SRGAP1: variants seen among roughly 807,000 people sequenced by gnomAD.
SRGAP1 encodes the protein SLIT-ROBO Rho GTPase activating protein 1.
A neutral mutation model predicts 121.9 loss-of-function variants in SRGAP1; 43 were observed. That is an observed-to-expected ratio of 0.35 (90% confidence interval 0.28 to 0.46). The LOEUF is 0.46. SRGAP1 is among the 20% of genes least tolerant of loss of function. SRGAP1 has a pLI of 1.00. For missense variants in SRGAP1, 1,102 were observed against 1,350.9 expected (o/e 0.82, Z 2.89); for synonymous variants, 447 against 485.4 (o/e 0.92, Z 1.04).
intron 6 of SRGAP1, among the ~76,000 whole-genome samples, chr12:64,058,427 C>T (rs2035384283): frequency 6.6e-6 from 1 of 152,146 alleles, no homozygotes; most frequent in African/African-American, 2.4e-5. Context: ...ATTTGCAACC[C>T]TTTTGCCTAA....
chr12:64,111,801 T>C lies in SRGAP1; in HGVS notation c.1959T>C (p.Tyr653=), dbSNP rs2036434002. ...QYSDENMMDP[Y]NLAICFGPTL... Reference sequence around the variant, plus strand: ...GCGATGAGAATATGATGGACCCTTATAACCTGGCCATTTGCTTTGGCCCAA... The same window carrying C: ...GCGATGAGAATATGATGGACCCTTACAACCTGGCCATTTGCTTTGGCCCAA... Residue 653 remains tyrosine (Y), a synonymous_variant, in exon 17 of 22, where the codon TAT becomes TAC. Coordinates refer to ENST00000355086, the MANE Select transcript of SRGAP1 (RefSeq NM_020762.4). 12 of 1,614,006 alleles carry C rather than the reference T, an allele frequency of 7.4e-6. No homozygotes were observed. The highest frequency in any genetic ancestry group is 1.7e-5 in the Admixed American group (1 of 59,990).
rs1238192148 is a variant in SRGAP1, at chr12:64,156,466, C to T, written c.*13794C>T. 6.6e-6 allele frequency: 1 copy of T among 152,150 alleles called. No homozygotes were observed. Among genetic ancestry groups the T allele is most frequent in the East Asian group, 1.9e-4 (1 of 5,192 alleles). 9.4% of individuals were successfully genotyped at this position (152,150 alleles called of 1,614,324 possible). ...ACTCTGAATCTCTGCATATGTTACTCATTTTCTATCATCCTATTCCTTGTG... is the reference window on the plus strand; with the variant it reads ...ACTCTGAATCTCTGCATATGTTACTTATTTTCTATCATCCTATTCCTTGTG... On this transcript the variant is annotated 3_prime_UTR_variant, in exon 22 of 22. Coordinates refer to ENST00000355086, the MANE Select transcript of SRGAP1 (RefSeq NM_020762.4).
intron 1 of SRGAP1, among the ~76,000 whole-genome samples, chr12:63,849,981 G>A (rs1014690639): frequency 6.6e-6 from 1 of 152,152 alleles, no homozygotes; most frequent in Non-Finnish European, 1.5e-5. Context: ...CAAGGAAACC[G>A]TCGTCTGTGA....
intron 21 of SRGAP1, among the ~76,000 whole-genome samples, chr12:64,139,763 A>G (rs1207766569): frequency 6.6e-6 from 1 of 151,772 alleles, no homozygotes; most frequent in Non-Finnish European, 1.5e-5. Context: ...CCATTTGTCA[A>G]TTTTGTCTTT....
chr12:64,020,971 A>T (rs2034535896), intron 4 of SRGAP1, among the ~76,000 whole-genome samples: 1 of 150,868 alleles, frequency 6.6e-6, no homozygotes, highest in Non-Finnish European at 1.5e-5. Flanking sequence ...AAGACCAAAG[A>T]TTGACAGTGC....
In SRGAP1 at chr12:64,144,993, G is replaced by A; in HGVS notation, c.*2321G>A. 1 of 151,798 alleles carries A rather than the reference G, an allele frequency of 6.6e-6. No homozygotes were observed. The highest frequency in any genetic ancestry group is 1.5e-5 in the Non-Finnish European group (1 of 68,028). 9.4% of individuals were successfully genotyped at this position (151,798 alleles called of 1,614,324 possible). A position where few individuals can be genotyped will look rare whatever the true frequency, so the allele number is the denominator to read the frequency against. On this transcript the variant is annotated 3_prime_UTR_variant, in exon 22 of 22. Coordinates refer to ENST00000355086, the MANE Select transcript of SRGAP1 (RefSeq NM_020762.4). Reference sequence around the variant, plus strand: ...ATTACAGGCGCCACCACCACGCCCAGCTAATTTTTGTATTTTTAGTAGAGA... The same window carrying A: ...ATTACAGGCGCCACCACCACGCCCAACTAATTTTTGTATTTTTAGTAGAGA...
chr12:64,035,973 G>A (rs962060472), intron 4 of SRGAP1, among the ~76,000 whole-genome samples: 2 of 152,240 alleles, frequency 1.3e-5, no homozygotes, highest in South Asian at 2.1e-4. Context: ...ATTTTACCTC[G>A]AAGGAACTGG....
intron 1 of SRGAP1, among the ~76,000 whole-genome samples, chr12:63,944,630 T>C (rs1236263497): frequency 6.6e-6 from 1 of 152,146 alleles, no homozygotes; most frequent in Non-Finnish European, 1.5e-5. Flanking sequence ...ACCGGAACAG[T>C]AGTAGATGTG....
At chr12:63,907,399 G>A (rs898019127) in intron 1 of SRGAP1, among the ~76,000 whole-genome samples, 4 of 152,000 alleles carry the variant, frequency 2.6e-5, no homozygotes, top group African/African-American at 9.7e-5. Context: ...TTAGCTGGGT[G>A]TGGTGGCAGG....
In SRGAP1 at chr12:63,969,007, C is replaced by G. The variant is rs75131889; in HGVS notation, c.68-14940C>G. On this transcript the variant is annotated intron_variant, in intron 1 of 21. Transcript: ENST00000355086. Reference sequence around the variant, plus strand: ...GTCCCCGCCAGAAACATCTAAACTTCAAAGGGAAAAAAATCGTACTGTGGG... The same window carrying G: ...GTCCCCGCCAGAAACATCTAAACTTGAAAGGGAAAAAAATCGTACTGTGGG... Among the ~76,000 whole-genome samples the G allele has an allele frequency of 7.5e-3, 1,141 of 152,172 alleles. 12 individuals carry two copies. The highest frequency in any genetic ancestry group is 0.026 in the African/African-American group (1,068 of 41,512).
At chr12:64,083,516 C>G (rs1436934443) in intron 10 of SRGAP1, among the ~76,000 whole-genome samples, 2 of 152,004 alleles carry the variant, frequency 1.3e-5, no homozygotes. Context: ...ATTCAGAATT[C>G]CAAATCTTTG....
At position 63,981,834 on chromosome 12, in the gene SRGAP1, GT is replaced by G. The variant is rs144541645; in HGVS notation, c.68-2110del. 6.9e-3 allele frequency among the ~76,000 whole-genome samples: 1,055 copies of G among 152,266 alleles called. 19 individuals carry two copies. The highest frequency in any genetic ancestry group is 0.024 in the African/African-American group (1,000 of 41,564). On this transcript the variant is annotated intron_variant, in intron 1 of 21. Coordinates refer to ENST00000355086, the MANE Select transcript of SRGAP1 (RefSeq NM_020762.4). ...TGACCTTATTGAGGGCAGAGATCTT[GT>G]TTCATTAGTTATTGTTTCTTCTTTG...
Position 64,111,910 on chromosome 12 carries a change from C to T in SRGAP1, c.2068C>T (p.His690Tyr). 1 of 1,614,022 alleles carries T rather than the reference C, an allele frequency of 6.2e-7. No individual in the cohort carries two copies. The highest frequency in any genetic ancestry group is 8.5e-7 in the Non-Finnish European group (1 of 1,179,984). The change falls in exon 17 of 22, where the codon CAT becomes TAT. Residue 690 changes from histidine (H) to tyrosine (Y), a missense_variant. Physicochemically the swap from His to Tyr is moderately conservative, Grantham distance 83. This residue lies in a region of SRGAP1 where 747 missense variants were observed against 929.4 expected (regional missense o/e 0.80). Coordinates refer to ENST00000355086, the MANE Select transcript of SRGAP1 (RefSeq NM_020762.4). Reference sequence around the variant, plus strand: ...AATTATCAAAACCATCATCATCCACCATGAGACTATTTTCCCAGATGCTAA... The same window carrying T: ...AATTATCAAAACCATCATCATCCACTATGAGACTATTTTCCCAGATGCTAA... The part of the protein sequence containing the change: ...NEIIKTIIIH[H>Y]ETIFPDAKEL...
At chr12:64,096,374 A>C (rs2036155017) in intron 14 of SRGAP1, among the ~76,000 whole-genome samples, 1 of 152,206 alleles carries the variant, frequency 6.6e-6, no homozygotes. Flanking sequence ...GTTAAAATGC[A>C]ATGCACACTT....
chr12:63,899,672 C>T (rs535947536), intron 1 of SRGAP1, among the ~76,000 whole-genome samples: 2 of 152,276 alleles, frequency 1.3e-5, no homozygotes, highest in Non-Finnish European at 2.9e-5. Flanking sequence ...GTGATTGGCA[C>T]AAGAGTAGGT....
intron 3 of SRGAP1, among the ~76,000 whole-genome samples, chr12:64,001,024 T>C (rs765748505): frequency 2.6e-5 from 4 of 152,086 alleles, no homozygotes; most frequent in Admixed American, 6.6e-5. Context: ...AAATAAAATA[T>C]GAGTTTTCAA....
intron 1 of SRGAP1, among the ~76,000 whole-genome samples, chr12:63,903,623 G>A (rs971796829): frequency 1.4e-4 from 21 of 147,884 alleles, no homozygotes; most frequent in Middle Eastern, 3.4e-3. Context: ...TGGCAATGGC[G>A]CAGTCTTTGT....
chr12:64,135,090 T>C (rs966765331), intron 21 of SRGAP1, among the ~76,000 whole-genome samples: 1 of 152,160 alleles, frequency 6.6e-6, no homozygotes, highest in Non-Finnish European at 1.5e-5. Flanking sequence ...GATGGCAGCA[T>C]GGGTCAGGGA....
chr12:64,032,312 C>T, intron 4 of SRGAP1: 1 of 344,818 alleles, frequency 2.9e-6, no homozygotes, highest in Admixed American at 4.3e-5. Flanking sequence ...CATGGGCAGG[C>T]CAGTTGGCGT....
Sources: allele counts gnomAD v4.1 joint callset (sites outside exome capture counted in the v4.1 genomes callset), GRCh38; gene constraint gnomAD v4.1.1; regional missense constraint gnomAD v4.1.1; transcripts MANE v1.5; gene names NCBI Gene and HGNC (gene_info 2026-07-23, HGNC 2026-07-21).